The following SGK3 variants were observed in gnomAD, a reference collection of about 807,000 sequenced individuals.
SGK3 encodes the protein serine/threonine-protein kinase Sgk3.
In SGK3, 47 loss-of-function variants were observed where a neutral mutation model predicts 68.5. The ratio of observed to expected loss-of-function variants is 0.69; its 90% CI spans 0.54 to 0.87. SGK3 has a LOEUF of 0.87. Among genes scored for constraint, SGK3 ranks in the 40% least tolerant of loss-of-function variants. The pLI, the probability that SGK3 is intolerant of heterozygous loss-of-function variation, is 0.00. For synonymous variants in SGK3, 181 were observed against 189.1 expected, an observed-to-expected ratio of 0.96 and a Z score of 0.35; for missense variants, 479 against 575.5, an observed-to-expected ratio of 0.83 and a Z score of 1.72.
rs142316342 is a variant in SGK3, at chr8:66,792,160, T to C, written c.-121-1456T>C. Among the ~76,000 whole-genome samples the C allele has an allele frequency of 2.4e-3, 363 of 152,010 alleles. 1 individual carries two copies. The highest frequency in any genetic ancestry group is 8.4e-3 in the African/African-American group (350 of 41,466). On this transcript the variant is annotated intron_variant, in intron 1 of 16. Coordinates refer to ENST00000521198, the MANE Select transcript of SGK3 (RefSeq NM_001033578.3). ...GCCTGACCAACATGGAGAAACCCCA[T>C]CTCTACTAAAAATACAAAATTAGTT... is the stretch of plus-strand genomic sequence containing the variant.
chr8:66,722,915 C>G (rs1280666896), intron 1 of SGK3, among the ~76,000 whole-genome samples: 1 of 151,432 alleles, frequency 6.6e-6, no homozygotes, highest in Non-Finnish European at 1.5e-5. Flanking sequence ...AAATAATTCA[C>G]TGTGGTGAAG....
intron 5 of SGK3, among the ~76,000 whole-genome samples, chr8:66,818,283 A>G (rs1220054361): frequency 1.3e-5 from 2 of 152,232 alleles, no homozygotes; most frequent in African/African-American, 4.8e-5. Context: ...ACACCAAAAC[A>G]AAACAAAACA....
intron 1 of SGK3, among the ~76,000 whole-genome samples, chr8:66,759,763 C>G (rs1806098795): frequency 6.6e-6 from 1 of 152,044 alleles, no homozygotes; most frequent in East Asian, 1.9e-4. Context: ...CCTGGGTTCA[C>G]ACCATTCTCC....
intron 3 of SGK3, among the ~76,000 whole-genome samples, chr8:66,802,517 C>T (rs1014311964): frequency 1.3e-5 from 2 of 152,020 alleles, no homozygotes; most frequent in African/African-American, 4.8e-5. Context: ...CATAATGAGA[C>T]TGTCTCTACA....
chr8:66,753,162 T>C (rs1351665651), intron 1 of SGK3, among the ~76,000 whole-genome samples: 2 of 152,150 alleles, frequency 1.3e-5, no homozygotes, highest in Non-Finnish European at 2.9e-5. Flanking sequence ...ATCACAACAA[T>C]CACGAGATAG....
intron 10 of SGK3, among the ~76,000 whole-genome samples, chr8:66,836,980 G>A (rs1430425623): frequency 6.6e-6 from 1 of 151,926 alleles, no homozygotes; most frequent in Non-Finnish European, 1.5e-5. Flanking sequence ...AATACACTTT[G>A]GGAAATGCTG....
Position 66,793,474 on chromosome 8 carries a change from A to T in SGK3, c.-121-142A>T, listed in dbSNP as rs550325077. On this transcript the variant is annotated intron_variant, in intron 1 of 16. Coordinates refer to ENST00000521198, the MANE Select transcript of SGK3 (RefSeq NM_001033578.3). The stretch of plus-strand genomic sequence containing the variant: ...TTGTAGTAGGAACATAACAAACTAA[A>T]TCTCTAACCTGGGCTGAGACTGATG... 3.3e-5 allele frequency: 9 copies of T among 273,958 alleles called. No individual in the cohort carries two copies. The South Asian group carries it at 5.1e-4, about 15-fold the overall frequency. The allele number at this position is 273,958 out of a possible 1,614,324, so 17.0% of individuals were successfully genotyped here.
At chr8:66,725,116 C>A (rs557126570) in intron 1 of SGK3, among the ~76,000 whole-genome samples, 1 of 152,078 alleles carries the variant, frequency 6.6e-6, no homozygotes, top group Admixed American at 6.6e-5. Context: ...GTAGTCCCAG[C>A]TACTCAGGAG....
chr8:66,809,236 A>G (rs2130628141), intron 4 of SGK3, among the ~76,000 whole-genome samples: 1 of 152,332 alleles, frequency 6.6e-6, no homozygotes, highest in African/African-American at 2.4e-5. Context: ...AGCAATAACA[A>G]GTAGTAACCA....
At chr8:66,721,906 A>G (rs957806255) in intron 1 of SGK3, among the ~76,000 whole-genome samples, 1 of 152,228 alleles carries the variant, frequency 6.6e-6, no homozygotes, top group East Asian at 1.9e-4. Flanking sequence ...TAAGAAGGGT[A>G]TCTTGGGCCA....
At chr8:66,723,818 A>G (rs1804895302) in intron 1 of SGK3, among the ~76,000 whole-genome samples, 1 of 152,180 alleles carries the variant, frequency 6.6e-6, no homozygotes, top group Non-Finnish European at 1.5e-5. Context: ...TTGACAATTT[A>G]GTCCATTCTG....
chr8:66,840,143 A>G (rs764610880), intron 11 of SGK3, 28 bp downstream of exon 11: 1 of 1,605,040 alleles, frequency 6.2e-7, no homozygotes, highest in Non-Finnish European at 8.5e-7. Flanking sequence ...ACTTGTAAAA[A>G]TTGTATATAA....
At chr8:66,857,861 T>G (rs1371825602) in intron 16 of SGK3, among the ~76,000 whole-genome samples, 4 of 146,886 alleles carry the variant, frequency 2.7e-5, no homozygotes, top group African/African-American at 1.0e-4. Context: ...TAGAGTCTAT[T>G]AGCTTGTATC....
chr8:66,809,768 T>A (rs895107819), intron 4 of SGK3, among the ~76,000 whole-genome samples: 1 of 152,224 alleles, frequency 6.6e-6, no homozygotes, highest in African/African-American at 2.4e-5. Context: ...CAACTTCTGA[T>A]GAATTAATAG....
chr8:66,819,511 T>C (rs1017031868), intron 5 of SGK3, among the ~76,000 whole-genome samples: 3 of 152,250 alleles, frequency 2.0e-5, no homozygotes, highest in African/African-American at 4.8e-5. Context: ...AGTACATTCA[T>C]GTTATATATC....
chr8:66,783,188 A>G (rs1478641871), intron 1 of SGK3, among the ~76,000 whole-genome samples: 3 of 152,192 alleles, frequency 2.0e-5, no homozygotes, highest in Non-Finnish European at 4.4e-5. Flanking sequence ...ATGTAATGGT[A>G]TCTCATTTTA....
chr8:66,807,987 A>G (rs541248117), intron 4 of SGK3, among the ~76,000 whole-genome samples: 37 of 152,344 alleles, frequency 2.4e-4, no homozygotes, highest in Non-Finnish European at 4.7e-4. Context: ...AATGGAAAAA[A>G]AAATCACAGT....
chr8:66,744,483 GTATATATA>G (rs869176585), intron 1 of SGK3, among the ~76,000 whole-genome samples: 1,140 of 40,526 alleles, frequency 0.028, 53 homozygotes, highest in Middle Eastern at 0.083. Context: ...GTGTGTGTGT[GTATATATA>G]TATATATATA....
intron 7 of SGK3, 24 bp from the exon 8 acceptor site, chr8:66,831,230 A>G: frequency 6.2e-7 from 1 of 1,612,610 alleles, no homozygotes; most frequent in Non-Finnish European, 8.5e-7. Context: ...TAGGAGGCTA[A>G]TTCTTATTGT....
Sources: allele counts gnomAD v4.1 joint callset (sites outside exome capture counted in the v4.1 genomes callset), GRCh38; gene constraint gnomAD v4.1.1; transcripts MANE v1.5; gene names NCBI Gene and HGNC (gene_info 2026-07-23, HGNC 2026-07-21).